Variants in PCDHA1 observed in about 807,000 individuals in gnomAD.
PCDHA1 encodes protocadherin alpha-1.
A neutral mutation model predicts 61.3 loss-of-function variants in PCDHA1; 42 were observed. That is an observed-to-expected ratio of 0.69 (90% CI 0.54 to 0.89). PCDHA1 has a LOEUF of 0.89. PCDHA1 is among the 40% of genes least tolerant of loss of function. The probability of loss-of-function intolerance (pLI) is 0.00; values close to 1 mark genes in which losing one functional copy is unlikely to be tolerated. For synonymous variants in PCDHA1, 610 were observed against 553.8 expected (o/e 1.10, Z -1.43); for missense variants, 1,256 against 1,235.3 (o/e 1.02, Z -0.25).
chr5:140,927,071 G>A lies in PCDHA1; in HGVS notation c.2395-51878G>A. 3 of 1,611,088 alleles carry A rather than the reference G, an allele frequency of 1.9e-6. No homozygotes were observed. The highest frequency in any genetic ancestry group is 2.5e-6 in the Non-Finnish European group (3 of 1,177,862). On this transcript the variant is annotated intron_variant, in intron 1 of 3. Transcript: ENST00000504120. ...TCGCGGAACTTTCGCTTCCTTTCCAGCCACCGCGAGCTCTACTTCGGGGTG... is the reference window on the plus strand; with the variant it reads ...TCGCGGAACTTTCGCTTCCTTTCCAACCACCGCGAGCTCTACTTCGGGGTG...
In PCDHA1 at chr5:140,786,939, G is replaced by T; in HGVS notation, c.649G>T (p.Gly217Trp). 6.2e-7 allele frequency: 1 copy of T among 1,614,128 alleles called. No individual in the cohort carries two copies. Residue 217 changes from glycine to tryptophan, a missense_variant, in exon 1 of 4, where the codon GGG (glycine) becomes TGG (tryptophan). By Grantham distance (184) the Gly-to-Trp change is radical (BLOSUM62 -2). Transcript: ENST00000504120. The stretch of plus-strand genomic sequence containing the variant: ...TCACTTATTACTGACTGCCACTGAT[G>T]GGGGCAAACCGGAGCTGCAAGGTAC... Reference protein sequence around the residue: ...ELHLLLTATDGGKPELQGTVE... With the variant: ...ELHLLLTATDWGKPELQGTVE...
chr5:140,968,994 G>T (rs1182509201), intron 1 of PCDHA1: 2 of 1,614,098 alleles, frequency 1.2e-6, no homozygotes, highest in Non-Finnish European at 1.7e-6. Context: ...GCATGCTGTG[G>T]AGGCTTCTGT....
At chr5:140,904,570 G>T (rs1377408350) in intron 1 of PCDHA1, among the ~76,000 whole-genome samples, 1 of 151,378 alleles carries the variant, frequency 6.6e-6, no homozygotes, top group African/African-American at 2.4e-5. Context: ...TTTTCCTCTG[G>T]GTAGACACCC....
chr5:140,927,427 G>C, intron 1 of PCDHA1: 2 of 1,614,114 alleles, frequency 1.2e-6, no homozygotes, highest in African/African-American at 1.3e-5. Flanking sequence ...GCGGGTTGAC[G>C]GCAGCGAATA....
At chr5:140,848,333 C>T in intron 1 of PCDHA1, 2 of 843,612 alleles carry the variant, frequency 2.4e-6, no homozygotes, top group Non-Finnish European at 1.9e-6. Flanking sequence ...TCTCTGAATC[C>T]AGACAAATAC....
chr5:140,817,499 T>G (rs1278332706), intron 1 of PCDHA1: 1 of 152,358 alleles, frequency 6.6e-6, no homozygotes, highest in African/African-American at 2.4e-5. Context: ...CTATATATGC[T>G]TTTACAAATT....
At chr5:140,900,199 G>C (rs1383731759) in intron 1 of PCDHA1, among the ~76,000 whole-genome samples, 1 of 152,172 alleles carries the variant, frequency 6.6e-6, no homozygotes, top group Non-Finnish European at 1.5e-5. Context: ...ATGACATCCA[G>C]TTTCATCCAG....
At chr5:140,854,493 T>C (rs990142871) in intron 1 of PCDHA1, 1 of 149,954 alleles carries the variant, frequency 6.7e-6, no homozygotes, top group African/African-American at 2.4e-5. Flanking sequence ...CAGAATTTAG[T>C]AGGACACATA....
At chr5:140,854,065 G>T in intron 1 of PCDHA1, 1 of 276,218 alleles carries the variant, frequency 3.6e-6, no homozygotes, top group Non-Finnish European at 5.5e-6. Context: ...AGGAGGCTGA[G>T]GCGAGAGAAT....
chr5:140,903,768 T>C (rs1211667697), intron 1 of PCDHA1, among the ~76,000 whole-genome samples: 1 of 152,212 alleles, frequency 6.6e-6, no homozygotes, highest in Non-Finnish European at 1.5e-5. Flanking sequence ...TGCTGAACTT[T>C]TCTATCCATA....
chr5:140,905,215 AAGGTG>A (rs2071683869), intron 1 of PCDHA1, among the ~76,000 whole-genome samples: 1 of 152,186 alleles, frequency 6.6e-6, no homozygotes, highest in Non-Finnish European at 1.5e-5. Flanking sequence ...ATTTTTGTGT[AAGGTG>A]AGAGATGAGG....
intron 1 of PCDHA1, chr5:140,796,991 C>T (rs75272992): frequency 5.6e-6 from 9 of 1,613,638 alleles, no homozygotes; most frequent in African/African-American, 5.3e-5. Flanking sequence ...GGCCAGGCAC[C>T]CAAGGCCTCG....
intron 1 of PCDHA1, chr5:140,802,185 A>G (rs782672395): frequency 5.6e-6 from 9 of 1,614,116 alleles, no homozygotes; most frequent in African/African-American, 2.7e-5. Flanking sequence ...AAATCCCCCA[A>G]TGTCAGATCA....
At chr5:140,816,127 G>C (rs1554126985) in intron 1 of PCDHA1, 1 of 152,080 alleles carries the variant, frequency 6.6e-6, no homozygotes, top group Non-Finnish European at 1.5e-5. Flanking sequence ...TTTTGAAACT[G>C]TCATAATGAG....
intron 1 of PCDHA1, chr5:140,968,109 A>G (rs2096220086): frequency 6.2e-7 from 1 of 1,614,046 alleles, no homozygotes; most frequent in African/African-American, 1.3e-5. Context: ...GGAATACCGC[A>G]GCTCACATCC....
At chr5:140,860,192 C>CATATATATATATATATATATATATAT (rs143984774) in intron 1 of PCDHA1, 76 of 146,806 alleles carry the variant, frequency 5.2e-4, no homozygotes, top group Middle Eastern at 3.6e-3. Flanking sequence ...GCTCTCCTTA[C>CATATATATATATATATATATATATAT]ATATATATCT....
intron 1 of PCDHA1, among the ~76,000 whole-genome samples, chr5:140,904,121 T>G (rs1554191284): frequency 6.6e-6 from 1 of 152,194 alleles, no homozygotes; most frequent in Non-Finnish European, 1.5e-5. Flanking sequence ...GAGATTTTGG[T>G]GCACCCATCA....
At chr5:140,860,679 T>A (rs1465789150) in intron 1 of PCDHA1, 1 of 152,238 alleles carries the variant, frequency 6.6e-6, no homozygotes, top group Non-Finnish European at 1.5e-5. Flanking sequence ...AATGCACTTA[T>A]GTTTTGAGCG....
intron 1 of PCDHA1, among the ~76,000 whole-genome samples, chr5:140,945,280 A>G (rs1482777954): frequency 6.6e-6 from 1 of 152,146 alleles, no homozygotes; most frequent in Non-Finnish European, 1.5e-5. Flanking sequence ...ACTTTAAAAC[A>G]TTGATGAAAG....
Sources: allele counts gnomAD v4.1 joint callset (sites outside exome capture counted in the v4.1 genomes callset), GRCh38; gene constraint gnomAD v4.1.1; transcripts MANE v1.5; gene names NCBI Gene and HGNC (gene_info 2026-07-23, HGNC 2026-07-21).